MARCHF1: variants seen among roughly 807,000 people sequenced by gnomAD.
The protein encoded by MARCHF1 is E3 ubiquitin-protein ligase MARCHF1.
In MARCHF1, 40 loss-of-function variants were observed where a neutral mutation model predicts 54.2. The observed-to-expected ratio is 0.74, with a 90% CI of 0.57 to 0.96. The LOEUF (loss-of-function observed/expected upper bound fraction) is 0.96, where lower values mean the gene tolerates loss of function less well. Ranked by LOEUF, MARCHF1 falls within the 40% of genes least tolerant of loss-of-function variation. MARCHF1 has a pLI of 0.00. For synonymous variants in MARCHF1, 236 were observed against 236.3 expected (o/e 1.00, Z 0.01); for missense variants, 586 against 656.5 (o/e 0.89, Z 1.17).
chr4:163,536,276 C>T (rs1228617364), intron 9 of MARCHF1, among the ~76,000 whole-genome samples: 1 of 152,130 alleles, frequency 6.6e-6, no homozygotes, highest in Non-Finnish European at 1.5e-5. Flanking sequence ...CTACATCCAG[C>T]TTTCTCCTCT....
At chr4:163,695,358 T>G (rs905248319) in intron 5 of MARCHF1, among the ~76,000 whole-genome samples, 3 of 152,196 alleles carry the variant, frequency 2.0e-5, no homozygotes, top group African/African-American at 7.2e-5. Context: ...ATAGAATACC[T>G]TGTACACAGT....
chr4:163,626,891 A>T (rs548518789), intron 5 of MARCHF1, among the ~76,000 whole-genome samples: 2 of 152,128 alleles, frequency 1.3e-5, no homozygotes, highest in Non-Finnish European at 2.9e-5. Context: ...ATGCCACCGC[A>T]CTTCATCTTG....
At chr4:163,824,188 T>C (rs1369867776) in intron 4 of MARCHF1, among the ~76,000 whole-genome samples, 1 of 151,996 alleles carries the variant, frequency 6.6e-6, no homozygotes, top group African/African-American at 2.4e-5. Flanking sequence ...CTCATATTTA[T>C]GGTTATTTAT....
chr4:163,830,757 AAAC>A (rs146636978), intron 4 of MARCHF1, among the ~76,000 whole-genome samples: 4,015 of 152,210 alleles, frequency 0.026, 68 homozygotes, highest in East Asian at 0.072. Flanking sequence ...CTAAAAAAAG[AAAC>A]AACAACAACA....
chr4:164,348,388 C>G (rs1410009015), intron 1 of MARCHF1, among the ~76,000 whole-genome samples: 2 of 152,148 alleles, frequency 1.3e-5, no homozygotes, highest in Non-Finnish European at 1.5e-5. Context: ...ACAATTCTTT[C>G]ACTTCTACAT....
At chr4:164,026,169 G>T (rs944517423) in intron 2 of MARCHF1, among the ~76,000 whole-genome samples, 4 of 152,044 alleles carry the variant, frequency 2.6e-5, no homozygotes, top group Non-Finnish European at 5.9e-5. Flanking sequence ...AAGAAGACCT[G>T]GTACCAATTC....
At chr4:163,920,108 A>G (rs886381718) in intron 3 of MARCHF1, among the ~76,000 whole-genome samples, 5 of 152,292 alleles carry the variant, frequency 3.3e-5, no homozygotes, top group Admixed American at 2.6e-4. Flanking sequence ...TGTCCTATGT[A>G]GGATTTGACT....
At chr4:163,933,535 TA>T (rs1298961166) in intron 3 of MARCHF1, among the ~76,000 whole-genome samples, 1 of 152,170 alleles carries the variant, frequency 6.6e-6, no homozygotes, top group African/African-American at 2.4e-5. Flanking sequence ...ATGTATCTGG[TA>T]TTTAAGTAAT....
chr4:163,690,178 A>G (rs1442845294), intron 5 of MARCHF1, among the ~76,000 whole-genome samples: 4 of 152,198 alleles, frequency 2.6e-5, no homozygotes, highest in Admixed American at 6.5e-5. Flanking sequence ...TTGTGAGCCA[A>G]CTTGCAGCCT....
At chr4:163,633,931 G>T (rs1281261897) in intron 5 of MARCHF1, among the ~76,000 whole-genome samples, 2 of 152,108 alleles carry the variant, frequency 1.3e-5, no homozygotes, top group Admixed American at 6.5e-5. Flanking sequence ...AAGAGAGTGG[G>T]GGCCAATATT....
rs148970083 is a variant in MARCHF1 at position 163,863,141 on chromosome 4, C to A, written c.-38-8972G>T. 2.0e-3 allele frequency among the ~76,000 whole-genome samples: 311 copies of A among 152,000 alleles called. 3 individuals carry two copies. The highest frequency in any genetic ancestry group is 6.8e-3 in the African/African-American group (284 of 41,490). On this transcript the variant is annotated intron_variant, in intron 3 of 9. Coordinates refer to ENST00000514618, the MANE Select transcript of MARCHF1 (RefSeq NM_001394959.1). ...AGAACCTCACAGCACAAAGTGTAAACCTTAATGTATGAAAATTAAAAGACA... is the reference window on the plus strand; with the variant it reads ...AGAACCTCACAGCACAAAGTGTAAAACTTAATGTATGAAAATTAAAAGACA...
intron 1 of MARCHF1, among the ~76,000 whole-genome samples, chr4:164,234,157 T>G (rs190259755): frequency 1.9e-3 from 290 of 152,238 alleles, no homozygotes; most frequent in Middle Eastern, 6.8e-3. Flanking sequence ...AAAATTACTA[T>G]GAAGGATAAT....
chr4:164,313,898 C>G (rs1734932519), intron 1 of MARCHF1, among the ~76,000 whole-genome samples: 1 of 152,132 alleles, frequency 6.6e-6, no homozygotes, highest in Non-Finnish European at 1.5e-5. Flanking sequence ...TATATCCCAG[C>G]TAATCTGCTC....
At chr4:163,658,740 T>C (rs912952734) in intron 5 of MARCHF1, among the ~76,000 whole-genome samples, 3 of 151,988 alleles carry the variant, frequency 2.0e-5, no homozygotes, top group Admixed American at 1.3e-4. Flanking sequence ...TGCTGAATAA[T>C]GAGAACTGAT....
chr4:163,729,547 A>C (rs557047200), intron 4 of MARCHF1, among the ~76,000 whole-genome samples: 4 of 152,188 alleles, frequency 2.6e-5, no homozygotes, highest in South Asian at 2.1e-4. Flanking sequence ...AAGCCTACTC[A>C]AAGTTTTTTA....
intron 7 of MARCHF1, among the ~76,000 whole-genome samples, chr4:163,607,253 G>A (rs769433664): frequency 2.0e-5 from 3 of 152,034 alleles, no homozygotes; most frequent in Non-Finnish European, 2.9e-5. Context: ...AACAGGTAGT[G>A]GGCTAAAAAG....
At chr4:164,265,071 GTTA>G (rs1579673420) in intron 1 of MARCHF1, among the ~76,000 whole-genome samples, 2 of 151,854 alleles carry the variant, frequency 1.3e-5, no homozygotes, top group Admixed American at 6.6e-5. Context: ...TACTCTATAT[GTTA>G]TTATTTTGTA....
chr4:163,543,521 G>C (rs1369133462), intron 9 of MARCHF1, among the ~76,000 whole-genome samples: 1 of 152,012 alleles, frequency 6.6e-6, no homozygotes. Context: ...AAGATAGGTG[G>C]ATGTATGGGT....
chr4:164,093,809 A>G (rs1365325648), intron 2 of MARCHF1, among the ~76,000 whole-genome samples: 1 of 152,128 alleles, frequency 6.6e-6, no homozygotes, highest in African/African-American at 2.4e-5. Context: ...ATGTATGGGT[A>G]AAATTTGTGC....
Sources: gnomAD v4.1 joint callset for allele counts (sites outside exome capture counted in the v4.1 genomes callset) on GRCh38, gnomAD v4.1.1 for gene constraint, MANE v1.5 for transcripts, NCBI Gene and HGNC (gene_info 2026-07-23, HGNC 2026-07-21) for gene names.